Variants in NEDD4 observed in about 807,000 individuals in gnomAD.
NEDD4 encodes the protein NEDD4 E3 ubiquitin protein ligase, also known as E3 ubiquitin-protein ligase NEDD4.
In NEDD4, 99 loss-of-function variants were observed where a neutral mutation model predicts 144.9. The observed-to-expected ratio is 0.68, with a 90% confidence interval of 0.58 to 0.81. The LOEUF is 0.81. NEDD4 is among the 30% of genes least tolerant of loss of function. NEDD4 has a pLI of 0.00. For synonymous variants in NEDD4, 318 were observed against 350.6 expected, an observed-to-expected ratio of 0.91 and a Z score of 1.04; for missense variants, 985 against 1,065.9, an observed-to-expected ratio of 0.92 and a Z score of 1.06.
intron 5 of NEDD4, among the ~76,000 whole-genome samples, chr15:55,902,928 G>A (rs918269195): frequency 6.6e-6 from 1 of 152,124 alleles, no homozygotes; most frequent in African/African-American, 2.4e-5. Context: ...TTGAACCCAG[G>A]AAGTGGAGGT....
chr15:55,843,994 G>T (rs2033631644), intron 18 of NEDD4, among the ~76,000 whole-genome samples: 1 of 152,096 alleles, frequency 6.6e-6, no homozygotes, highest in African/African-American at 2.4e-5. Context: ...TAAAATAGGA[G>T]GACAATTGCT....
Position 55,840,693 on chromosome 15 carries a change from CAG to C in NEDD4, c.1871_1872del (p.Ser624TrpfsTer4). 1 of 1,613,994 alleles carries C rather than the reference CAG, an allele frequency of 6.2e-7. No individual in the cohort carries two copies. The highest frequency in any genetic ancestry group is 8.5e-7 in the Non-Finnish European group (1 of 1,179,982). On this transcript the variant is annotated frameshift_variant, in exon 20 of 29. Coordinates refer to ENST00000435532, the MANE Select transcript of NEDD4 (RefSeq NM_006154.4). LOFTEE classifies it high-confidence loss of function. ...GAGAGGTGATCTTCGTTACACAATC[CAG>C]AGTTTGGATTTATCTGTAGGGTATA... is the stretch of plus-strand genomic sequence containing the variant. ...DNYTLQINPNSGLCNEDHLSY... is the reference protein window; with the variant it reads ...DNYTLQINPNXGLCNEDHLSY...
chr15:55,854,472 T>C (rs2034115579), intron 12 of NEDD4, among the ~76,000 whole-genome samples: 1 of 152,096 alleles, frequency 6.6e-6, no homozygotes, highest in African/African-American at 2.4e-5. Context: ...TGCAATAACA[T>C]GGGTCTATGT....
intron 5 of NEDD4, among the ~76,000 whole-genome samples, chr15:55,896,387 T>C (rs1566938160): frequency 1.3e-5 from 2 of 152,114 alleles, no homozygotes; most frequent in Non-Finnish European, 2.9e-5. Flanking sequence ...TTTTGCCACG[T>C]TGGTTAGGCT....
chr15:55,955,303 T>C (rs2037318112), intron 2 of NEDD4, among the ~76,000 whole-genome samples: 1 of 152,136 alleles, frequency 6.6e-6, no homozygotes, highest in Non-Finnish European at 1.5e-5. Flanking sequence ...GATTATAGGT[T>C]ATAGGCATCA....
chr15:55,989,365 A>G (rs2037951706), intron 1 of NEDD4, among the ~76,000 whole-genome samples: 1 of 152,244 alleles, frequency 6.6e-6, no homozygotes, highest in Non-Finnish European at 1.5e-5. Flanking sequence ...AAAAGCACTA[A>G]TGGCAAAAAC....
chr15:55,835,439 TCCCA>T (rs2033151488), intron 24 of NEDD4, among the ~76,000 whole-genome samples: 5 of 142,928 alleles, frequency 3.5e-5, no homozygotes, highest in South Asian at 2.3e-4. Context: ...TTTTTTTTTT[TCCCA>T]TGCCCTAAAC....
chr15:55,868,610 C>T (rs1352532737), intron 8 of NEDD4, among the ~76,000 whole-genome samples: 1 of 152,130 alleles, frequency 6.6e-6, no homozygotes, highest in Non-Finnish European at 1.5e-5. Flanking sequence ...GCTCCTCTTT[C>T]ACCTTCCACC....
At chr15:55,851,113 T>TCGG (rs1487121545) in intron 13 of NEDD4, among the ~76,000 whole-genome samples, 1 of 152,176 alleles carries the variant, frequency 6.6e-6, no homozygotes, top group Non-Finnish European at 1.5e-5. Flanking sequence ...CTCGTGCCTA[T>TCGG]AGGAGGAGGT....
intron 5 of NEDD4, among the ~76,000 whole-genome samples, chr15:55,875,468 C>CTA (rs1431332316): frequency 4.1e-4 from 63 of 152,014 alleles, no homozygotes; most frequent in African/African-American, 1.5e-3. Flanking sequence ...GCACCATGCA[C>CTA]TACCATGCCT....
chr15:55,937,002 G>A (rs559570001), intron 4 of NEDD4, among the ~76,000 whole-genome samples: 193 of 151,938 alleles, frequency 1.3e-3, no homozygotes, highest in Non-Finnish European at 1.9e-3. Context: ...CATATTGGCC[G>A]GGCTGGTCTT....
At chr15:55,975,060 T>C (rs1737947162) in intron 1 of NEDD4, among the ~76,000 whole-genome samples, 1 of 151,648 alleles carries the variant, frequency 6.6e-6, no homozygotes, top group African/African-American at 2.4e-5. Context: ...ACCCGGGTAA[T>C]TTTTGTATTT....
intron 11 of NEDD4, 32 bp from the exon 12 acceptor site, chr15:55,856,228 C>A: frequency 6.3e-7 from 1 of 1,595,966 alleles, no homozygotes; most frequent in South Asian, 1.1e-5. Context: ...AGAAGAATAC[C>A]TTGATATTTG....
At chr15:55,943,701 C>T (rs1297251212) in intron 4 of NEDD4, among the ~76,000 whole-genome samples, 1 of 152,204 alleles carries the variant, frequency 6.6e-6, no homozygotes, top group Admixed American at 6.5e-5. Context: ...TCTATTAGGG[C>T]AGTGTGGATG....
intron 1 of NEDD4, among the ~76,000 whole-genome samples, chr15:55,982,209 T>C (rs2037815274): frequency 6.6e-6 from 1 of 152,176 alleles, no homozygotes. Flanking sequence ...GGGAGACTGT[T>C]AGGCAGTTTC....
intron 5 of NEDD4, among the ~76,000 whole-genome samples, chr15:55,902,521 G>A (rs1020860771): frequency 6.6e-5 from 10 of 152,114 alleles, no homozygotes; most frequent in African/African-American, 1.7e-4. Context: ...AAGCGAGGAG[G>A]AGATGGATGA....
At chr15:55,842,242 T>G in intron 18 of NEDD4, 79 bp from the exon 19 acceptor site, 236 of 1,036,732 alleles carry the variant, frequency 2.3e-4, no homozygotes, top group Non-Finnish European at 3.0e-4. Flanking sequence ...AGTTATAACA[T>G]TCCCTCTACA....
At position 55,828,256 on chromosome 15, in the gene NEDD4, A is replaced by G. The variant is rs2032782674; in HGVS notation, c.*1641T>C. 1 of 152,170 alleles carries G rather than the reference A, an allele frequency of 6.6e-6. No individual in the cohort carries two copies. Among genetic ancestry groups the G allele is most frequent in the Admixed American group, 6.5e-5 (1 of 15,274 alleles). The allele number at this position is 152,170 out of a possible 1,614,324, so 9.4% of individuals were successfully genotyped here. A position where few individuals can be genotyped will look rare whatever the true frequency, so the allele number is the denominator to read the frequency against. ...TATACCCCAACAAACTTAAACCAAG[A>G]ACCAGAGGTACTTTTTACAGTTCTC... On this transcript the variant is annotated 3_prime_UTR_variant, in exon 29 of 29. Coordinates refer to ENST00000435532, the MANE Select transcript of NEDD4 (RefSeq NM_006154.4).
At chr15:55,847,339 C>T (rs1225105067) in intron 17 of NEDD4, among the ~76,000 whole-genome samples, 1 of 152,020 alleles carries the variant, frequency 6.6e-6, no homozygotes, top group African/African-American at 2.4e-5. Context: ...CAAAAATTTC[C>T]ATTTCTAAAG....
Sources: gnomAD v4.1 joint callset for allele counts (sites outside exome capture counted in the v4.1 genomes callset) on GRCh38, gnomAD v4.1.1 for gene constraint, MANE v1.5 for transcripts, NCBI Gene and HGNC (gene_info 2026-07-23, HGNC 2026-07-21) for gene names.